Variants in KIAA1328 observed in about 807,000 individuals in gnomAD.
KIAA1328 encodes protein hinderin.
A neutral mutation model predicts 68.1 loss-of-function variants in KIAA1328; 52 were observed. That is an observed-to-expected ratio of 0.76 (90% confidence interval 0.61 to 0.96). The LOEUF is 0.96. Ranked by LOEUF, KIAA1328 falls within the 40% of genes least tolerant of loss-of-function variation. The pLI is 0.00. For synonymous variants in KIAA1328, 232 were observed against 239.4 expected (o/e 0.97, Z 0.28); for missense variants, 641 against 677.6 (o/e 0.95, Z 0.60).
chr18:37,225,933 C>G (rs1280425653), downstream of KIAA1328, among the ~76,000 whole-genome samples: 3 of 152,306 alleles, frequency 2.0e-5, no homozygotes, highest in African/African-American at 7.2e-5. Flanking sequence ...ATGAAAATTG[C>G]TCATGGACTA....
At chr18:37,066,157 G>A (rs1233194834) in intron 6 of KIAA1328, among the ~76,000 whole-genome samples, 2 of 152,096 alleles carry the variant, frequency 1.3e-5, no homozygotes, top group Non-Finnish European at 2.9e-5. Context: ...TTTTGTTCTC[G>A]CTGACAGAAC....
intron 6 of KIAA1328, among the ~76,000 whole-genome samples, chr18:37,052,684 A>T (rs778169174): frequency 3.3e-5 from 5 of 152,180 alleles, no homozygotes; most frequent in African/African-American, 7.2e-5. Context: ...AACCAATAGC[A>T]TTTCTATACA....
intron 9 of KIAA1328, among the ~76,000 whole-genome samples, chr18:37,174,458 C>G (rs1248857200): frequency 6.7e-6 from 1 of 148,874 alleles, no homozygotes; most frequent in East Asian, 2.0e-4. Flanking sequence ...TCTCAGCTCA[C>G]TGCAACCTCC....
chr18:37,072,781 C>T (rs2151756805), intron 7 of KIAA1328, among the ~76,000 whole-genome samples: 1 of 152,192 alleles, frequency 6.6e-6, no homozygotes, highest in South Asian at 2.1e-4. Flanking sequence ...CCCCTGACTC[C>T]CCAACAGGCT....
chr18:37,041,125 C>A (rs1451495795), intron 6 of KIAA1328, among the ~76,000 whole-genome samples: 1 of 151,788 alleles, frequency 6.6e-6, no homozygotes, highest in Non-Finnish European at 1.5e-5. Context: ...TTTAGTTGTT[C>A]CAGCAAGTAT....
chr18:36,859,656 C>G (rs952562841), intron 4 of KIAA1328, among the ~76,000 whole-genome samples: 16 of 151,630 alleles, frequency 1.1e-4, no homozygotes, highest in Non-Finnish European at 2.2e-4. Flanking sequence ...CGCTGTGTTG[C>G]CCAGGCTAGT....
At chr18:36,883,471 C>A (rs977860394) in intron 4 of KIAA1328, among the ~76,000 whole-genome samples, 1 of 152,228 alleles carries the variant, frequency 6.6e-6, no homozygotes, top group African/African-American at 2.4e-5. Context: ...ACAAAGGCAT[C>A]TGAGCAGGCT....
chr18:36,974,641 T>C (rs1254367083), intron 6 of KIAA1328, among the ~76,000 whole-genome samples: 2 of 152,212 alleles, frequency 1.3e-5, no homozygotes, highest in Non-Finnish European at 1.5e-5. Flanking sequence ...TGATTATTTC[T>C]TTTCCTTTGG....
chr18:37,101,794 A>G (rs938160047), intron 7 of KIAA1328, among the ~76,000 whole-genome samples: 5 of 152,156 alleles, frequency 3.3e-5, no homozygotes, highest in South Asian at 2.1e-4. Flanking sequence ...ACAAAGGGAA[A>G]CCCATCAGAC....
chr18:37,148,412 A>G (rs2058953783), intron 7 of KIAA1328, among the ~76,000 whole-genome samples: 1 of 152,142 alleles, frequency 6.6e-6, no homozygotes, highest in Non-Finnish European at 1.5e-5. Flanking sequence ...TGTCTTTGCT[A>G]TTGCGAATAG....
intron 7 of KIAA1328, among the ~76,000 whole-genome samples, chr18:37,099,276 C>G (rs1193337969): frequency 6.6e-6 from 1 of 152,172 alleles, no homozygotes; most frequent in African/African-American, 2.4e-5. Flanking sequence ...TACGTTGTGT[C>G]TTTGTTCTCA....
At position 36,852,469 on chromosome 18, in the gene KIAA1328, C is replaced by A. The variant is rs568843997; in HGVS notation, c.332+8167C>A. Among the ~76,000 whole-genome samples, 40 of 152,216 alleles carry A rather than the reference C, an allele frequency of 2.6e-4. No individual in the cohort carries two copies. The South Asian group carries it at 8.3e-3, about 32-fold the overall frequency. On this transcript the variant is annotated intron_variant, in intron 4 of 9. Transcript: ENST00000280020. ...TGTCGCCCAGTAGTAATGCTGAGGG[C>A]AGTCACGACCTAGGCACAAGTGTTT... is the stretch of plus-strand genomic sequence containing the variant.
intron 7 of KIAA1328, among the ~76,000 whole-genome samples, chr18:37,091,024 C>T (rs2057252452): frequency 6.6e-6 from 1 of 152,110 alleles, no homozygotes; most frequent in African/African-American, 2.4e-5. Flanking sequence ...TATAGACGTT[C>T]TCTTGAATCA....
At chr18:37,204,325 G>C (rs2060174776) in intron 9 of KIAA1328, among the ~76,000 whole-genome samples, 1 of 152,120 alleles carries the variant, frequency 6.6e-6, no homozygotes, top group Non-Finnish European at 1.5e-5. Context: ...TTTTAAACTA[G>C]TTTTATTTAC....
At chr18:36,939,430 G>A (rs905218322) in intron 5 of KIAA1328, among the ~76,000 whole-genome samples, 1 of 151,918 alleles carries the variant, frequency 6.6e-6, no homozygotes, top group Non-Finnish European at 1.5e-5. Flanking sequence ...ACTGATTTTT[G>A]TGTATTGGTT....
At chr18:36,926,969 C>T (rs189690166) in intron 5 of KIAA1328, among the ~76,000 whole-genome samples, 2 of 152,248 alleles carry the variant, frequency 1.3e-5, no homozygotes, top group East Asian at 1.9e-4. Context: ...GAAGCAACAG[C>T]GACAATGGGG....
chr18:37,200,781 G>A (rs1015224242), intron 9 of KIAA1328, among the ~76,000 whole-genome samples: 64 of 146,714 alleles, frequency 4.4e-4, no homozygotes, highest in Middle Eastern at 7.4e-3. Context: ...ACTGCAGTCC[G>A]CAGTCCGGCC....
Position 36,829,150 on chromosome 18 carries a change from G to C in KIAA1328, c.12G>C (p.Val4=), listed in dbSNP as rs1170665621. Residue 4 remains valine (V), a synonymous_variant, in exon 1 of 10, where the codon GTG becomes GTC. Transcript: ENST00000280020. MAD[V]AGPSRPSAAA... The stretch of plus-strand genomic sequence containing the variant: ...GCGGTTGTTTCAAGATGGCGGACGT[G>C]GCGGGCCCCTCCCGCCCCAGTGCCG... 3 of 1,534,314 alleles carry C rather than the reference G, an allele frequency of 2.0e-6. No individual in the cohort carries two copies. Among genetic ancestry groups the C allele is most frequent in the Non-Finnish European group, 2.6e-6 (3 of 1,142,468 alleles).
chr18:37,009,350 G>C (rs920222787), intron 6 of KIAA1328, among the ~76,000 whole-genome samples: 2 of 152,200 alleles, frequency 1.3e-5, no homozygotes, highest in Admixed American at 1.3e-4. Context: ...TGAGATGTAA[G>C]AAGTTTTTCC....
Sources: allele counts gnomAD v4.1 joint callset (sites outside exome capture counted in the v4.1 genomes callset), GRCh38; gene constraint gnomAD v4.1.1; transcripts MANE v1.5; gene names NCBI Gene and HGNC (gene_info 2026-07-23, HGNC 2026-07-21).